The following FHIT variants were observed in gnomAD, a reference collection of about 807,000 sequenced individuals.
The protein encoded by FHIT is fragile histidine triad diadenosine triphosphatase.
In FHIT, 19 loss-of-function variants were observed where a neutral mutation model predicts 17.9. The observed-to-expected ratio is 1.06, with a 90% confidence interval of 0.74 to 1.56. The LOEUF is 1.56. FHIT is among the 40% of genes most tolerant of loss of function. The pLI is 0.00. For synonymous variants in FHIT, 81 were observed against 69.7 expected (o/e 1.16, Z -0.81); for missense variants, 248 against 189.2 (o/e 1.31, Z -1.82).
intron 5 of FHIT, among the ~76,000 whole-genome samples, chr3:60,510,271 G>A (rs1051130917): frequency 1.3e-5 from 2 of 152,178 alleles, no homozygotes; most frequent in African/African-American, 2.4e-5. Context: ...GGTAACAGCT[G>A]CACTTTGCAA....
At chr3:59,806,377 G>A (rs1700197647) in intron 8 of FHIT, among the ~76,000 whole-genome samples, 1 of 152,044 alleles carries the variant, frequency 6.6e-6, no homozygotes, top group Admixed American at 6.5e-5. Flanking sequence ...TGGCCACAAA[G>A]CTGATAAATG....
chr3:60,055,034 A>C (rs1216582998), intron 5 of FHIT, among the ~76,000 whole-genome samples: 3 of 152,152 alleles, frequency 2.0e-5, no homozygotes, highest in Admixed American at 6.6e-5. Context: ...CAGGAAAAAA[A>C]ATACCCTGTC....
intron 2 of FHIT, among the ~76,000 whole-genome samples, chr3:61,136,038 T>C (rs1334698957): frequency 6.6e-6 from 1 of 151,750 alleles, no homozygotes; most frequent in Non-Finnish European, 1.5e-5. Flanking sequence ...TAAGGAGAAT[T>C]TTGGCCAACC....
At chr3:59,797,006 T>G (rs1055990524) in intron 8 of FHIT, among the ~76,000 whole-genome samples, 5 of 152,206 alleles carry the variant, frequency 3.3e-5, no homozygotes, top group Non-Finnish European at 7.3e-5. Context: ...TGATATTACT[T>G]TTATATTAAA....
intron 5 of FHIT, among the ~76,000 whole-genome samples, chr3:60,175,990 C>T (rs190221408): frequency 2.6e-5 from 4 of 152,130 alleles, no homozygotes; most frequent in Non-Finnish European, 4.4e-5. Context: ...GCATTTGAAA[C>T]GGGGCTAATG....
At chr3:60,381,828 CTCTG>C (rs1700812029) in intron 5 of FHIT, among the ~76,000 whole-genome samples, 1 of 142,042 alleles carries the variant, frequency 7.0e-6, no homozygotes, top group African/African-American at 2.7e-5. Context: ...AACTCTGTAA[CTCTG>C]GGTATGGCGT....
chr3:61,050,735 A>G (rs2033994073), intron 2 of FHIT, among the ~76,000 whole-genome samples: 1 of 152,236 alleles, frequency 6.6e-6, no homozygotes, highest in Non-Finnish European at 1.5e-5. Context: ...ATGGGTGTTC[A>G]TTATGCTATT....
intron 3 of FHIT, among the ~76,000 whole-genome samples, chr3:60,851,086 A>T (rs1178257021): frequency 6.6e-6 from 1 of 152,146 alleles, no homozygotes; most frequent in African/African-American, 2.4e-5. Context: ...TAAAAGAGCA[A>T]ACCTAAAATT....
chr3:60,128,162 A>G (rs1307558994), intron 5 of FHIT, among the ~76,000 whole-genome samples: 1 of 152,206 alleles, frequency 6.6e-6, no homozygotes, highest in African/African-American at 2.4e-5. Flanking sequence ...AGTGAATTGA[A>G]TATTGAACCC....
intron 7 of FHIT, among the ~76,000 whole-genome samples, chr3:60,010,445 G>A (rs187404889): frequency 2.0e-5 from 3 of 152,322 alleles, no homozygotes; most frequent in African/African-American, 7.2e-5. Flanking sequence ...GAATAGCTGT[G>A]TTAAAGACAA....
intron 5 of FHIT, among the ~76,000 whole-genome samples, chr3:60,129,052 T>C (rs201222910): frequency 1.6e-5 from 2 of 128,090 alleles, no homozygotes; most frequent in African/African-American, 3.7e-5. Flanking sequence ...CTTTTTTGTT[T>C]GTTTTTTTTT....
At chr3:60,034,975 G>C (rs1351290970) in intron 5 of FHIT, among the ~76,000 whole-genome samples, 1 of 152,090 alleles carries the variant, frequency 6.6e-6, no homozygotes, top group African/African-American at 2.4e-5. Flanking sequence ...ATTCATACAG[G>C]AGATATTTTT....
At chr3:60,342,960 A>G (rs1201133221) in intron 5 of FHIT, among the ~76,000 whole-genome samples, 4 of 152,150 alleles carry the variant, frequency 2.6e-5, no homozygotes, top group Admixed American at 6.6e-5. Flanking sequence ...ACTCAGCCAT[A>G]TTGTCTTCTC....
chr3:59,936,373 C>A (rs1308450169), intron 7 of FHIT, among the ~76,000 whole-genome samples: 1 of 152,112 alleles, frequency 6.6e-6, no homozygotes, highest in Non-Finnish European at 1.5e-5. Flanking sequence ...GCAAATGAAA[C>A]AATGATAGCA....
intron 3 of FHIT, among the ~76,000 whole-genome samples, chr3:60,861,236 C>CAT (rs368321744): frequency 1.1e-4 from 1 of 8,836 alleles, no homozygotes; most frequent in Non-Finnish European, 2.7e-4. Flanking sequence ...TATGATATAT[C>CAT]ATATCATATA....
intron 5 of FHIT, among the ~76,000 whole-genome samples, chr3:60,528,123 G>A (rs1054018693): frequency 6.6e-6 from 1 of 152,090 alleles, no homozygotes; most frequent in African/African-American, 2.4e-5. Context: ...ACAGATGCAT[G>A]CCATCACACC....
At chr3:59,986,755 TATA>T (rs1708972983) in intron 7 of FHIT, among the ~76,000 whole-genome samples, 1 of 74,088 alleles carries the variant, frequency 1.3e-5, no homozygotes, top group African/African-American at 5.5e-5. Context: ...TTTATATATA[TATA>T]AATATATTTA....
chr3:61,214,043 A>T (rs1250424480), intron 1 of FHIT, among the ~76,000 whole-genome samples: 6 of 152,240 alleles, frequency 3.9e-5, no homozygotes, highest in Non-Finnish European at 8.8e-5. Context: ...AAATGCCCAC[A>T]AAAGAAAGCA....
intron 4 of FHIT, among the ~76,000 whole-genome samples, chr3:60,594,450 A>G (rs1373078321): frequency 6.6e-6 from 1 of 152,104 alleles, no homozygotes; most frequent in Non-Finnish European, 1.5e-5. Flanking sequence ...GTACTTAATC[A>G]ACAACTGCCA....
Sources: allele counts gnomAD v4.1 joint callset (sites outside exome capture counted in the v4.1 genomes callset), GRCh38; gene constraint gnomAD v4.1.1; transcripts MANE v1.5; gene names NCBI Gene and HGNC (gene_info 2026-07-23, HGNC 2026-07-21).